NPTN: variants seen among roughly 807,000 people sequenced by gnomAD.
The protein encoded by NPTN is neuroplastin, also known as SDR-1.
Under a neutral mutation model 42.7 loss-of-function variants are expected in NPTN, and 5 were observed. The ratio of observed to expected loss-of-function variants is 0.12; its 90% CI spans 0.06 to 0.25. The LOEUF (loss-of-function observed/expected upper bound fraction) is 0.25, where lower values mean the gene tolerates loss of function less well. Ranked by LOEUF, NPTN falls within the 10% of genes least tolerant of loss-of-function variation. NPTN has a pLI of 1.00. For missense variants in NPTN, 307 were observed against 525.4 expected (o/e 0.58, Z 4.06); for synonymous variants, 180 against 201.9 (o/e 0.89, Z 0.92).
At chr15:73,567,530 T>C in intron 6 of NPTN, 5 of 985,370 alleles carry the variant, frequency 5.1e-6, no homozygotes, top group Non-Finnish European at 6.0e-6. Flanking sequence ...GACAGGTAAG[T>C]TTGTCCTTCC....
At chr15:73,587,439 G>A in intron 4 of NPTN, 85 bp downstream of exon 4, 1 of 909,892 alleles carries the variant, frequency 1.1e-6, no homozygotes, top group South Asian at 1.4e-5. Flanking sequence ...GAAAGAAGAG[G>A]AGCTTGAAGA....
rs185701357 is a variant in NPTN at position 73,584,842 on chromosome 15, C to T, written c.706+2682G>A. Reference sequence around the variant, plus strand: ...AGGCCTCCCCCACTACATGTAGATACTCCTATCCTCCAAATTCCTTTCTTG... The same window carrying T: ...AGGCCTCCCCCACTACATGTAGATATTCCTATCCTCCAAATTCCTTTCTTG... On this transcript the variant is annotated intron_variant, in intron 4 of 8. Coordinates refer to ENST00000345330, the MANE Select transcript of NPTN (RefSeq NM_012428.4). Among the ~76,000 whole-genome samples, 5 of 150,768 alleles carry T rather than the reference C, an allele frequency of 3.3e-5. No homozygotes were observed. In the East Asian group the frequency reaches 5.9e-4, roughly 18 times the overall value.
At chr15:73,602,407 T>G (rs1897118233) in intron 1 of NPTN, among the ~76,000 whole-genome samples, 1 of 152,130 alleles carries the variant, frequency 6.6e-6, no homozygotes, top group South Asian at 2.1e-4. Flanking sequence ...CTCTCCTCTG[T>G]CTCTCTCACA....
chr15:73,607,338 C>T (rs1897339242), intron 1 of NPTN, among the ~76,000 whole-genome samples: 1 of 152,160 alleles, frequency 6.6e-6, no homozygotes, highest in African/African-American at 2.4e-5. Flanking sequence ...ATAAATTCAG[C>T]GTAACTTCTG....
chr15:73,606,246 G>C (rs1897289463), intron 1 of NPTN, among the ~76,000 whole-genome samples: 1 of 151,790 alleles, frequency 6.6e-6, no homozygotes. Flanking sequence ...AATAAATCAG[G>C]GCCCATTTTG....
intron 7 of NPTN, 81 bp from the exon 8 acceptor site, chr15:73,562,051 CTT>C (rs1455614481): frequency 4.2e-5 from 41 of 974,280 alleles, no homozygotes; most frequent in Non-Finnish European, 5.8e-5. Flanking sequence ...TACAGGGACT[CTT>C]TCACTTACTG....
chr15:73,624,053 T>C (rs1898273401), intron 1 of NPTN, among the ~76,000 whole-genome samples: 1 of 152,210 alleles, frequency 6.6e-6, no homozygotes, highest in East Asian at 1.9e-4. Flanking sequence ...GATAATCACA[T>C]CCCCCTAGTG....
chr15:73,622,077 G>C (rs1022744599), intron 1 of NPTN, among the ~76,000 whole-genome samples: 6 of 152,054 alleles, frequency 3.9e-5, no homozygotes, highest in Non-Finnish European at 8.8e-5. Context: ...CTCGAACCCG[G>C]GAGATGGAGG....
intron 2 of NPTN, among the ~76,000 whole-genome samples, chr15:73,594,218 C>A (rs1896727960): frequency 6.6e-6 from 1 of 152,252 alleles, no homozygotes; most frequent in African/African-American, 2.4e-5. Context: ...TCAGACTGCA[C>A]TGAGAAAGGG....
chr15:73,627,318 C>T (rs767299031), intron 1 of NPTN, among the ~76,000 whole-genome samples: 22 of 152,152 alleles, frequency 1.4e-4, no homozygotes, highest in Non-Finnish European at 4.4e-5. Flanking sequence ...GGTAGGAAGG[C>T]TAGTCTTAAA....
intron 1 of NPTN, among the ~76,000 whole-genome samples, chr15:73,626,344 T>A (rs1898408791): frequency 6.6e-6 from 1 of 152,212 alleles, no homozygotes; most frequent in Non-Finnish European, 1.5e-5. Flanking sequence ...TGAAGTAGAT[T>A]TAGAGGCATT....
At chr15:73,567,797 G>T in intron 6 of NPTN, 1 of 985,412 alleles carries the variant, frequency 1.0e-6, no homozygotes, top group Non-Finnish European at 1.2e-6. Context: ...CACACTGGCT[G>T]TCAGGAAGGG....
chr15:73,605,224 GGACT>G (rs1034444918), intron 1 of NPTN, among the ~76,000 whole-genome samples: 9 of 152,000 alleles, frequency 5.9e-5, no homozygotes, highest in African/African-American at 1.5e-4. Flanking sequence ...GATGTCTACT[GGACT>G]GACTGTTTCC....
At chr15:73,584,552 A>T (rs1896219589) in intron 4 of NPTN, among the ~76,000 whole-genome samples, 1 of 152,060 alleles carries the variant, frequency 6.6e-6, no homozygotes, top group Non-Finnish European at 1.5e-5. Flanking sequence ...TCACAAGCTG[A>T]GGACAGAGAT....
chr15:73,576,005 C>A (rs747458851), intron 4 of NPTN, among the ~76,000 whole-genome samples: 2 of 152,230 alleles, frequency 1.3e-5, no homozygotes, highest in Admixed American at 6.5e-5. Flanking sequence ...CAAAGCCGAA[C>A]TTTTCCCACA....
At chr15:73,630,210 T>A (rs142054532) in intron 1 of NPTN, among the ~76,000 whole-genome samples, 1 of 152,198 alleles carries the variant, frequency 6.6e-6, no homozygotes, top group South Asian at 2.1e-4. Flanking sequence ...ACTTTACAGA[T>A]GATGAACTGA....
chr15:73,578,827 CTACAAAAA>C (rs1895833041), intron 4 of NPTN, among the ~76,000 whole-genome samples: 1 of 151,864 alleles, frequency 6.6e-6, no homozygotes. Flanking sequence ...AACCTTGTCT[CTACAAAAA>C]TACAAAAATT....
intron 4 of NPTN, among the ~76,000 whole-genome samples, chr15:73,580,465 A>C (rs1895956289): frequency 7.4e-6 from 1 of 135,200 alleles, no homozygotes; most frequent in Non-Finnish European, 1.5e-5. Flanking sequence ...TATACAAAAT[A>C]TATTTATATA....
intron 1 of NPTN, among the ~76,000 whole-genome samples, chr15:73,605,726 CAA>C (rs77251246): frequency 1.6e-3 from 178 of 112,804 alleles, no homozygotes; most frequent in Non-Finnish European, 1.8e-3. Flanking sequence ...AAACTCACCT[CAA>C]AAAAAAAAAA....
Sources: allele counts gnomAD v4.1 joint callset (sites outside exome capture counted in the v4.1 genomes callset), GRCh38; gene constraint gnomAD v4.1.1; transcripts MANE v1.5; gene names NCBI Gene and HGNC (gene_info 2026-07-23, HGNC 2026-07-21).